Variants in TAFA2 observed in about 807,000 individuals in gnomAD.
TAFA2 encodes the protein chemokine-like protein TAFA-2.
Under a neutral mutation model 18.8 loss-of-function variants are expected in TAFA2, and 7 were observed. The observed-to-expected ratio is 0.37, with a 90% confidence interval of 0.21 to 0.70. The LOEUF is 0.70. Ranked by LOEUF, TAFA2 falls within the 30% of genes least tolerant of loss-of-function variation. The pLI is 0.53. For synonymous variants in TAFA2, 60 were observed against 54.2 expected (o/e 1.11, Z -0.47); for missense variants, 122 against 158.1 (o/e 0.77, Z 1.23).
At chr12:62,018,644 C>A (rs1311401864) in intron 1 of TAFA2, among the ~76,000 whole-genome samples, 1 of 152,088 alleles carries the variant, frequency 6.6e-6, no homozygotes, top group Middle Eastern at 3.2e-3. Context: ...AAACTGGATC[C>A]CTTCCTTACA....
At position 61,981,449 on chromosome 12, in the gene TAFA2, A is replaced by G. The variant is rs559235187; in HGVS notation, c.-1-114023T>C. 8.5e-5 allele frequency among the ~76,000 whole-genome samples: 13 copies of G among 152,318 alleles called. No individual in the cohort carries two copies. The South Asian group carries it at 2.7e-3, about 32-fold the overall frequency. On this transcript the variant is annotated intron_variant, in intron 1 of 4. Coordinates refer to ENST00000416284, the MANE Select transcript of TAFA2 (RefSeq NM_178539.5). Reference sequence around the variant, plus strand: ...AAAAGCAATGGCAGTGAAAACCAAAATAGACAAATGGGATCTAATTAAACT... The same window carrying G: ...AAAAGCAATGGCAGTGAAAACCAAAGTAGACAAATGGGATCTAATTAAACT...
chr12:61,900,194 G>A (rs1396120257), intron 1 of TAFA2, among the ~76,000 whole-genome samples: 1 of 152,166 alleles, frequency 6.6e-6, no homozygotes, highest in Non-Finnish European at 1.5e-5. Context: ...TGGTTCACAT[G>A]TGTAAGAGTT....
intron 1 of TAFA2, among the ~76,000 whole-genome samples, chr12:62,018,733 C>T (rs1881020746): frequency 6.6e-6 from 1 of 152,098 alleles, no homozygotes; most frequent in Non-Finnish European, 1.5e-5. Flanking sequence ...AGAAGAAAAC[C>T]TAGGCAATAC....
intron 1 of TAFA2, among the ~76,000 whole-genome samples, chr12:61,967,225 G>C (rs987346266): frequency 1.3e-5 from 2 of 151,748 alleles, no homozygotes; most frequent in Non-Finnish European, 2.9e-5. Context: ...TCAACCAAGA[G>C]ATACTGATTC....
chr12:61,777,807 T>C (rs573506420), intron 2 of TAFA2, among the ~76,000 whole-genome samples: 1 of 151,984 alleles, frequency 6.6e-6, no homozygotes, highest in Non-Finnish European at 1.5e-5. Flanking sequence ...AGTATCTGGG[T>C]TCAGTAAGTA....
intron 1 of TAFA2, among the ~76,000 whole-genome samples, chr12:62,167,527 C>A (rs758471695): frequency 1.3e-5 from 2 of 152,086 alleles, no homozygotes; most frequent in Admixed American, 1.3e-4. Flanking sequence ...GGATTTCAAG[C>A]GTGGAAGAAG....
chr12:61,861,234 AGGCCACTGT>A (rs1874113058), intron 2 of TAFA2, among the ~76,000 whole-genome samples: 1 of 146,428 alleles, frequency 6.8e-6, no homozygotes, highest in Admixed American at 6.9e-5. Context: ...TTACAGGCAT[AGGCCACTGT>A]GCCTGGCCTC....
chr12:62,169,766 G>A (rs2062464131), intron 1 of TAFA2, among the ~76,000 whole-genome samples: 1 of 149,256 alleles, frequency 6.7e-6, no homozygotes, highest in African/African-American at 2.5e-5. Flanking sequence ...CAGGAGAATG[G>A]CATGAACCCG....
chr12:62,074,180 A>G (rs1882703755), intron 1 of TAFA2, among the ~76,000 whole-genome samples: 1 of 152,250 alleles, frequency 6.6e-6, no homozygotes, highest in Non-Finnish European at 1.5e-5. Context: ...CGAGAAAGAT[A>G]ATGTATGGCA....
At chr12:62,036,334 C>A (rs1029463441) in intron 1 of TAFA2, among the ~76,000 whole-genome samples, 21 of 152,106 alleles carry the variant, frequency 1.4e-4, no homozygotes, top group Non-Finnish European at 2.9e-4. Context: ...CTGGGTAGGA[C>A]AAGAGGAGGT....
intron 1 of TAFA2, among the ~76,000 whole-genome samples, chr12:62,256,759 G>C (rs924296822): frequency 6.6e-6 from 1 of 152,034 alleles, no homozygotes; most frequent in Non-Finnish European, 1.5e-5. Flanking sequence ...AAAGTGCCTC[G>C]TGGCACTTAC....
At chr12:62,029,945 G>T (rs1353810545) in intron 1 of TAFA2, among the ~76,000 whole-genome samples, 1 of 151,966 alleles carries the variant, frequency 6.6e-6, no homozygotes, top group Non-Finnish European at 1.5e-5. Flanking sequence ...AAAGAAAAAC[G>T]ATCTTAGAAT....
At chr12:62,257,192 G>C (rs944502957) in intron 1 of TAFA2, among the ~76,000 whole-genome samples, 4 of 58,484 alleles carry the variant, frequency 6.8e-5, no homozygotes, top group Admixed American at 1.8e-4. Context: ...GTGTGTGTGT[G>C]TGTGTGTGTG....
intron 1 of TAFA2, among the ~76,000 whole-genome samples, chr12:62,175,373 G>A (rs1165962470): frequency 6.6e-6 from 1 of 151,144 alleles, no homozygotes; most frequent in Non-Finnish European, 1.5e-5. Flanking sequence ...TGAACCTTTT[G>A]TATCTACACA....
At chr12:62,040,425 T>A (rs867554930) in intron 1 of TAFA2, among the ~76,000 whole-genome samples, 4 of 152,236 alleles carry the variant, frequency 2.6e-5, no homozygotes, top group Admixed American at 6.5e-5. Flanking sequence ...AGATTATTAG[T>A]ATGAGCCCTA....
chr12:61,861,235 G>A (rs1042541439), intron 2 of TAFA2, among the ~76,000 whole-genome samples: 1 of 149,442 alleles, frequency 6.7e-6, no homozygotes. Flanking sequence ...TACAGGCATA[G>A]GCCACTGTGC....
At chr12:62,190,432 G>T (rs1592392813) in intron 1 of TAFA2, among the ~76,000 whole-genome samples, 3 of 152,168 alleles carry the variant, frequency 2.0e-5, no homozygotes, top group Non-Finnish European at 4.4e-5. Context: ...GAATTGAAGG[G>T]GGAAGGAATG....
chr12:62,005,245 A>T (rs1411971822), intron 1 of TAFA2, among the ~76,000 whole-genome samples: 1 of 152,060 alleles, frequency 6.6e-6, no homozygotes. Context: ...GACTGTAGTA[A>T]TCATTTCTTT....
chr12:61,951,259 C>T (rs1878456133), intron 1 of TAFA2, among the ~76,000 whole-genome samples: 1 of 152,136 alleles, frequency 6.6e-6, no homozygotes, highest in Non-Finnish European at 1.5e-5. Context: ...GTGATGCTTA[C>T]GCAAATGGTC....
Sources: allele counts gnomAD v4.1 joint callset (sites outside exome capture counted in the v4.1 genomes callset), GRCh38; gene constraint gnomAD v4.1.1; transcripts MANE v1.5; gene names NCBI Gene and HGNC (gene_info 2026-07-23, HGNC 2026-07-21).